The following LSAMP variants were observed in gnomAD, a reference collection of about 807,000 sequenced individuals.
LSAMP encodes limbic system associated membrane protein.
A neutral mutation model predicts 38.6 loss-of-function variants in LSAMP; 7 were observed. The ratio of observed to expected loss-of-function variants is 0.18; its 90% CI spans 0.10 to 0.34. The LOEUF is 0.34. LSAMP is among the 10% of genes least tolerant of loss of function. LSAMP has a pLI of 1.00. For synonymous variants in LSAMP, 154 were observed against 166.8 expected (o/e 0.92, Z 0.59); for missense variants, 313 against 420.0 (o/e 0.75, Z 2.23).
chr3:115,901,305 A>G (rs973601698), intron 3 of LSAMP, among the ~76,000 whole-genome samples: 1 of 151,976 alleles, frequency 6.6e-6, no homozygotes, highest in Non-Finnish European at 1.5e-5. Flanking sequence ...TATGTATAAT[A>G]ATACATTTTT....
chr3:116,281,243 G>A (rs1006844343), intron 1 of LSAMP, among the ~76,000 whole-genome samples: 6 of 152,200 alleles, frequency 3.9e-5, no homozygotes, highest in Admixed American at 3.9e-4. Flanking sequence ...CCGAGGAATA[G>A]AGGCAGGGGA....
chr3:115,812,919 T>C (rs903620698), intron 6 of LSAMP, among the ~76,000 whole-genome samples: 1 of 152,188 alleles, frequency 6.6e-6, no homozygotes, highest in Admixed American at 6.5e-5. Flanking sequence ...AATTCCATTA[T>C]TGAAAAATAT....
At chr3:116,293,154 A>G (rs2047290485) in intron 1 of LSAMP, among the ~76,000 whole-genome samples, 1 of 152,098 alleles carries the variant, frequency 6.6e-6, no homozygotes, top group Non-Finnish European at 1.5e-5. Context: ...GTCCAATGTT[A>G]CTGGTTCTGC....
intron 1 of LSAMP, among the ~76,000 whole-genome samples, chr3:116,237,253 C>A (rs1026025796): frequency 6.6e-6 from 1 of 152,024 alleles, no homozygotes; most frequent in Admixed American, 6.6e-5. Context: ...ACATGTAAAC[C>A]CTATAAGTAC....
intron 2 of LSAMP, among the ~76,000 whole-genome samples, chr3:116,071,047 A>G (rs1360384497): frequency 7.3e-6 from 1 of 137,068 alleles, no homozygotes; most frequent in Non-Finnish European, 1.6e-5. Flanking sequence ...TCTCAAAATA[A>G]ATAAATAATA....
chr3:115,937,626 T>G (rs1410619837), intron 3 of LSAMP, among the ~76,000 whole-genome samples: 2 of 148,164 alleles, frequency 1.3e-5, no homozygotes, highest in Non-Finnish European at 3.0e-5. Context: ...GGCGATAGAG[T>G]GAGACCCTGT....
intron 1 of LSAMP, among the ~76,000 whole-genome samples, chr3:116,379,129 A>G (rs1163815080): frequency 1.3e-5 from 2 of 152,042 alleles, no homozygotes; most frequent in Non-Finnish European, 1.5e-5. Context: ...TGTTAAAGAA[A>G]TAACAGTCAC....
chr3:115,989,035 T>C (rs2038230663), intron 3 of LSAMP, among the ~76,000 whole-genome samples: 1 of 152,166 alleles, frequency 6.6e-6, no homozygotes, highest in South Asian at 2.1e-4. Context: ...TGACAATTCA[T>C]TTCTTAAAGG....
chr3:116,249,718 G>T (rs1559799211), intron 1 of LSAMP, among the ~76,000 whole-genome samples: 1 of 151,348 alleles, frequency 6.6e-6, no homozygotes, highest in Admixed American at 6.6e-5. Flanking sequence ...TCTGGGTACC[G>T]TATATCCAAG....
intron 2 of LSAMP, among the ~76,000 whole-genome samples, chr3:116,067,228 T>C (rs146946316): frequency 5.3e-5 from 8 of 152,318 alleles, no homozygotes; most frequent in Non-Finnish European, 1.0e-4. Context: ...AGAGAGCATA[T>C]AATGTGTCTG....
intron 3 of LSAMP, among the ~76,000 whole-genome samples, chr3:115,892,250 A>C (rs1342614097): frequency 2.0e-5 from 3 of 151,968 alleles, no homozygotes; most frequent in African/African-American, 7.2e-5. Context: ...TTCTAAAAAC[A>C]TCATAACCAA....
intron 3 of LSAMP, among the ~76,000 whole-genome samples, chr3:115,959,199 G>A (rs1479314047): frequency 2.0e-5 from 3 of 152,032 alleles, no homozygotes. Flanking sequence ...AGTACATTGG[G>A]CAAGTTACTG....
chr3:115,964,974 A>G (rs1026229786), intron 3 of LSAMP, among the ~76,000 whole-genome samples: 6 of 152,134 alleles, frequency 3.9e-5, no homozygotes, highest in Admixed American at 6.5e-5. Flanking sequence ...AAATTGACCA[A>G]CAGATTTAAT....
intron 1 of LSAMP, among the ~76,000 whole-genome samples, chr3:116,312,008 G>A (rs780393603): frequency 1.3e-5 from 2 of 152,074 alleles, no homozygotes; most frequent in African/African-American, 2.4e-5. Flanking sequence ...CTGGTGGAGT[G>A]GAAAACCATA....
At chr3:116,425,873 C>CA (rs67102242) in intron 1 of LSAMP, among the ~76,000 whole-genome samples, 1,585 of 146,220 alleles carry the variant, frequency 0.011, 26 homozygotes, top group African/African-American at 0.036. Flanking sequence ...CATCCTAAAG[C>CA]AAAAAAAAAA....
intron 1 of LSAMP, among the ~76,000 whole-genome samples, chr3:116,317,524 T>C (rs1185205933): frequency 6.6e-6 from 1 of 151,748 alleles, no homozygotes; most frequent in Non-Finnish European, 1.5e-5. Context: ...TCTGGCTAAT[T>C]TTTTGTATTT....
intron 2 of LSAMP, among the ~76,000 whole-genome samples, chr3:116,084,269 G>A (rs1413599948): frequency 2.0e-5 from 3 of 151,906 alleles, no homozygotes; most frequent in African/African-American, 4.8e-5. Context: ...GCCATGTCAG[G>A]AAGGTACATG....
At chr3:116,258,832 T>C (rs572629615) in intron 1 of LSAMP, among the ~76,000 whole-genome samples, 2 of 152,236 alleles carry the variant, frequency 1.3e-5, no homozygotes, top group Non-Finnish European at 1.5e-5. Context: ...GACTGCTCAA[T>C]TAAAAAGATA....
At chr3:116,039,902 T>C (rs768243200) in intron 2 of LSAMP, among the ~76,000 whole-genome samples, 3 of 152,166 alleles carry the variant, frequency 2.0e-5, no homozygotes, top group Admixed American at 6.5e-5. Context: ...TTCAAAGTCC[T>C]CCTTTTTGCC....
Sources: allele counts gnomAD v4.1 joint callset (sites outside exome capture counted in the v4.1 genomes callset), GRCh38; gene constraint gnomAD v4.1.1; transcripts MANE v1.5; gene names NCBI Gene and HGNC (gene_info 2026-07-23, HGNC 2026-07-21).